COL22A1: variants seen among roughly 807,000 people sequenced by gnomAD.
COL22A1 encodes the protein collagen type XXII alpha 1 chain.
Under a neutral mutation model 248.9 loss-of-function variants are expected in COL22A1, and 221 were observed. The ratio of observed to expected loss-of-function variants is 0.89; its 90% CI spans 0.80 to 0.99. The LOEUF is 0.99. COL22A1 is among the 50% of genes least tolerant of loss of function. The pLI, the probability that COL22A1 is intolerant of heterozygous loss-of-function variation, is 0.00. For synonymous variants in COL22A1, 891 were observed against 793.4 expected, an observed-to-expected ratio of 1.12 and a Z score of -2.07; for missense variants, 2,240 against 2,179.0, an observed-to-expected ratio of 1.03 and a Z score of -0.56.
Position 138,766,698 on chromosome 8 carries a change from A to G in COL22A1, c.1804-4232T>C, listed in dbSNP as rs541985306. The stretch of plus-strand genomic sequence containing the variant: ...CAGGACAGAAGAGAGAGTTTGAGAG[A>G]CACACACAGTCAGGGACAGGGAGAG... On this transcript the variant is annotated intron_variant, in intron 16 of 64. Coordinates refer to ENST00000303045, the MANE Select transcript of COL22A1 (RefSeq NM_152888.3). 6.6e-5 allele frequency among the ~76,000 whole-genome samples: 10 copies of G among 152,240 alleles called. No homozygotes were observed. The East Asian group carries it at 1.9e-3, about 29-fold the overall frequency.
At chr8:138,894,365 C>T (rs912098867) in intron 1 of COL22A1, among the ~76,000 whole-genome samples, 1 of 152,206 alleles carries the variant, frequency 6.6e-6, no homozygotes, top group Non-Finnish European at 1.5e-5. Flanking sequence ...TTCCATAACA[C>T]AGCCATGGGC....
At chr8:138,690,143 C>G (rs903024584) in intron 36 of COL22A1, among the ~76,000 whole-genome samples, 3 of 152,198 alleles carry the variant, frequency 2.0e-5, no homozygotes, top group African/African-American at 7.2e-5. Context: ...AGCTACTATG[C>G]TTATTACCTA....
intron 1 of COL22A1, among the ~76,000 whole-genome samples, chr8:138,895,513 C>A (rs1411721819): frequency 6.6e-6 from 1 of 151,704 alleles, no homozygotes; most frequent in Non-Finnish European, 1.5e-5. Flanking sequence ...ACAATAACAA[C>A]ATTTAGAAAA....
chr8:138,630,106 G>C (rs1292127114), intron 50 of COL22A1, among the ~76,000 whole-genome samples: 1 of 152,114 alleles, frequency 6.6e-6, no homozygotes, highest in Non-Finnish European at 1.5e-5. Flanking sequence ...CTAAACTGTG[G>C]TTCACCCTTT....
At chr8:138,816,318 A>G (rs1314561769) in intron 7 of COL22A1, among the ~76,000 whole-genome samples, 3 of 152,028 alleles carry the variant, frequency 2.0e-5, no homozygotes, top group African/African-American at 7.2e-5. Context: ...CAGCCACTCA[A>G]TCCTTCTCTT....
intron 16 of COL22A1, among the ~76,000 whole-genome samples, chr8:138,769,095 G>A (rs1415693181): frequency 6.6e-6 from 1 of 151,998 alleles, no homozygotes; most frequent in Non-Finnish European, 1.5e-5. Flanking sequence ...CTGACACGTA[G>A]GCTCTCCTTG....
rs184999821 is a variant in COL22A1, at chr8:138,813,168, G to T, written c.1246-149C>A. Reference sequence around the variant, plus strand: ...CCACCCCAGGATACCCCTATCCTGGGCTCCACTCTGGATTTTCACAAGGAG... The same window carrying T: ...CCACCCCAGGATACCCCTATCCTGGTCTCCACTCTGGATTTTCACAAGGAG... On this transcript the variant is annotated intron_variant, in intron 7 of 64. Transcript: ENST00000303045. 27 of 642,966 alleles carry T rather than the reference G, an allele frequency of 4.2e-5. No individual in the cohort carries two copies. The East Asian group carries it at 6.9e-4, about 16-fold the overall frequency. 39.8% of individuals were successfully genotyped at this position (642,966 alleles called of 1,614,324 possible).
At chr8:138,807,654 G>C in intron 10 of COL22A1, 114 bp downstream of exon 10, 1 of 1,001,522 alleles carries the variant, frequency 1.0e-6, no homozygotes, top group Non-Finnish European at 1.5e-6. Context: ...AACAAGCTCT[G>C]AGGCAAAATA....
intron 62 of COL22A1, among the ~76,000 whole-genome samples, chr8:138,594,700 G>A (rs1817377749): frequency 6.6e-6 from 1 of 152,230 alleles, no homozygotes; most frequent in African/African-American, 2.4e-5. Flanking sequence ...GGAGATGCTG[G>A]CTGCTACCCC....
chr8:138,624,211 T>A (rs895497415), intron 51 of COL22A1, among the ~76,000 whole-genome samples: 3 of 152,046 alleles, frequency 2.0e-5, no homozygotes, highest in African/African-American at 7.2e-5. Flanking sequence ...CGCAGGAAGG[T>A]ACTCAGCATG....
intron 38 of COL22A1, 67 bp from the exon 39 acceptor site, chr8:138,684,536 G>A (rs1371152491): frequency 8.7e-7 from 1 of 1,151,108 alleles, no homozygotes; most frequent in Non-Finnish European, 1.3e-6. Flanking sequence ...TCCACCACGT[G>A]CCAGGCTGAC....
chr8:138,648,245 C>T (rs1428185695), intron 46 of COL22A1, among the ~76,000 whole-genome samples: 1 of 152,130 alleles, frequency 6.6e-6, no homozygotes, highest in Non-Finnish European at 1.5e-5. Flanking sequence ...CTGTGGCACG[C>T]CCACGAGTGT....
rs149814408 is a variant in COL22A1 at position 138,737,558 on chromosome 8, C to A, written c.2105G>T (p.Gly702Val). ...CAGCAATCCAGGGATTCCAGGTGGT[C>A]CCATGTCACCTTTCTTCCCCTGAGT... is the stretch of plus-strand genomic sequence containing the variant. ...QGLRGKKGDM[G>V]PPGIPGLLGL... The change falls in exon 23 of 65, where the codon GGA becomes GTA. Residue 702 changes from glycine (G) to valine (V), a missense_variant. By Grantham distance (109) the Gly-to-Val change is moderately radical. Coordinates refer to ENST00000303045, the MANE Select transcript of COL22A1 (RefSeq NM_152888.3). 4.3e-6 allele frequency: 7 copies of A among 1,611,182 alleles called. No individual in the cohort carries two copies. In the Admixed American group the frequency reaches 1.2e-4, roughly 27 times the overall value.
Position 138,596,354 on chromosome 8 carries a change from T to C in COL22A1, c.4432+550A>G, listed in dbSNP as rs576809869. Reference sequence around the variant, plus strand: ...TACATGTTGCTCCATAGACCTGGGGTCACATTTCATCTTTCAACTTGTAGC... The same window carrying C: ...TACATGTTGCTCCATAGACCTGGGGCCACATTTCATCTTTCAACTTGTAGC... On this transcript the variant is annotated intron_variant, in intron 62 of 64. Transcript: ENST00000303045. 9.0e-4 allele frequency among the ~76,000 whole-genome samples: 137 copies of C among 152,292 alleles called. 1 individual carries two copies. The highest frequency in any genetic ancestry group is 1.0e-3 in the Non-Finnish European group (69 of 68,032).
intron 12 of COL22A1, among the ~76,000 whole-genome samples, chr8:138,789,254 T>A (rs919653072): frequency 6.6e-6 from 1 of 152,250 alleles, no homozygotes; most frequent in Non-Finnish European, 1.5e-5. Flanking sequence ...AGCACCTCTA[T>A]TTATTCTAAC....
chr8:138,697,763 G>T (rs1827625285), intron 32 of COL22A1, among the ~76,000 whole-genome samples: 1 of 152,226 alleles, frequency 6.6e-6, no homozygotes, highest in African/African-American at 2.4e-5. Flanking sequence ...GGGCTCAAAG[G>T]CATGTGCCTG....
chr8:138,768,037 C>T (rs941362885), intron 16 of COL22A1, among the ~76,000 whole-genome samples: 14 of 152,340 alleles, frequency 9.2e-5, no homozygotes, highest in African/African-American at 3.4e-4. Context: ...GCCCAGGTGT[C>T]CCTGTGGTAC....
chr8:138,738,786 T>C (rs1262938839), intron 22 of COL22A1, among the ~76,000 whole-genome samples: 1 of 152,186 alleles, frequency 6.6e-6, no homozygotes, highest in African/African-American at 2.4e-5. Flanking sequence ...TCTAAGTGTA[T>C]CTGTGAGATT....
intron 9 of COL22A1, among the ~76,000 whole-genome samples, chr8:138,811,305 A>G (rs1171441160): frequency 6.6e-6 from 1 of 151,274 alleles, no homozygotes; most frequent in Admixed American, 6.6e-5. Context: ...ATATATATAT[A>G]CACATACATA....
Sources: allele counts gnomAD v4.1 joint callset (sites outside exome capture counted in the v4.1 genomes callset), GRCh38; gene constraint gnomAD v4.1.1; transcripts MANE v1.5; gene names NCBI Gene and HGNC (gene_info 2026-07-23, HGNC 2026-07-21).